TRDN: variants seen among roughly 807,000 people sequenced by gnomAD.
The protein encoded by TRDN is triadin.
In TRDN, 161 loss-of-function variants were observed where a neutral mutation model predicts 149.7. That is an observed-to-expected ratio of 1.08 (90% CI 0.95 to 1.23). TRDN has a LOEUF of 1.23. Ranked by LOEUF, TRDN falls within the 50% of genes most tolerant of loss-of-function variation. TRDN has a pLI of 0.00. For synonymous variants in TRDN, 294 were observed against 250.5 expected, an observed-to-expected ratio of 1.17 and a Z score of -1.64; for missense variants, 896 against 823.5, an observed-to-expected ratio of 1.09 and a Z score of -1.08.
intron 9 of TRDN, among the ~76,000 whole-genome samples, chr6:123,466,801 T>C (rs982398022): frequency 1.3e-5 from 2 of 152,056 alleles, no homozygotes; most frequent in Admixed American, 1.3e-4. Context: ...ATACATCAAT[T>C]GTTTCTAAAT....
intron 22 of TRDN, among the ~76,000 whole-genome samples, chr6:123,336,976 G>A (rs1214470226): frequency 6.6e-6 from 1 of 151,880 alleles, no homozygotes; most frequent in Non-Finnish European, 1.5e-5. Flanking sequence ...GCTGTATGTG[G>A]ACATTATTCT....
intron 12 of TRDN, among the ~76,000 whole-genome samples, chr6:123,425,805 C>A (rs1167885341): frequency 6.6e-6 from 1 of 151,970 alleles, no homozygotes; most frequent in African/African-American, 2.4e-5. Context: ...TAAAGGGGAT[C>A]TGAGAAATCA....
At chr6:123,498,808 G>C (rs922583403) in intron 8 of TRDN, among the ~76,000 whole-genome samples, 1 of 152,204 alleles carries the variant, frequency 6.6e-6, no homozygotes, top group Non-Finnish European at 1.5e-5. Context: ...AGTCAGACCA[G>C]TGTGGACTTT....
chr6:123,622,010 C>T (rs1203734872), intron 1 of TRDN, among the ~76,000 whole-genome samples: 1 of 152,046 alleles, frequency 6.6e-6, no homozygotes, highest in Non-Finnish European at 1.5e-5. Context: ...CTGTGTAGTT[C>T]CACTTACGTG....
chr6:123,336,019 T>C (rs1779852137), intron 22 of TRDN, among the ~76,000 whole-genome samples: 1 of 151,852 alleles, frequency 6.6e-6, no homozygotes, highest in Admixed American at 6.6e-5. Flanking sequence ...TAAAGAAAAA[T>C]AGATTAAGCC....
At chr6:123,298,071 A>G (rs1778267789) in intron 24 of TRDN, among the ~76,000 whole-genome samples, 1 of 152,078 alleles carries the variant, frequency 6.6e-6, no homozygotes, top group South Asian at 2.1e-4. Context: ...TGAAATTAAA[A>G]AACAAAAAAA....
rs533291290 is a variant in TRDN, at chr6:123,234,012, G to A, written c.1976-9881C>T. 2.6e-5 allele frequency among the ~76,000 whole-genome samples: 4 copies of A among 151,998 alleles called. 1 individual carries two copies. The South Asian group carries it at 6.2e-4, about 24-fold the overall frequency. ...ATCTTAATCTACCCAAAATTTCTAT[G>A]AGATGAATATTATTATTCAAAATTT... On this transcript the variant is annotated intron_variant, in intron 38 of 40. Coordinates refer to ENST00000334268, the MANE Select transcript of TRDN (RefSeq NM_006073.4).
At chr6:123,325,887 G>C (rs1265577281) in intron 23 of TRDN, among the ~76,000 whole-genome samples, 1 of 152,028 alleles carries the variant, frequency 6.6e-6, no homozygotes, top group African/African-American at 2.4e-5. Context: ...ATAAATCATT[G>C]AGCTTTCCCC....
chr6:123,510,204 C>T (rs1008451266), intron 7 of TRDN: 2 of 152,050 alleles, frequency 1.3e-5, no homozygotes, highest in Admixed American at 6.6e-5. Context: ...TTTCAGTTTA[C>T]AATTCATCCA....
intron 8 of TRDN, among the ~76,000 whole-genome samples, chr6:123,499,719 A>AAATATATATATAT: frequency 1.3e-4 from 6 of 47,678 alleles, no homozygotes; most frequent in Non-Finnish European, 2.7e-4. Flanking sequence ...AAAAAAAAAA[A>AAATATATATATAT]ATATATATAT....
chr6:123,548,731 T>A, intron 2 of TRDN, 119 bp from the exon 3 acceptor site: 1 of 881,068 alleles, frequency 1.1e-6, no homozygotes, highest in Non-Finnish European at 1.5e-6. Context: ...ATTTCAACAT[T>A]CTAAATATCT....
chr6:123,333,561 G>T lies in TRDN; in HGVS notation c.1421-1632C>A, dbSNP rs1195944595. Among the ~76,000 whole-genome samples, 3 of 152,184 alleles carry T rather than the reference G, an allele frequency of 2.0e-5. No individual in the cohort carries two copies. The East Asian group carries it at 5.8e-4, about 29-fold the overall frequency. ...CATCACTTGCACTGACTTTCCTACA[G>T]ATCATTGATTCTCAGCATCCACTTT... On this transcript the variant is annotated intron_variant, in intron 22 of 40. Coordinates refer to ENST00000334268, the MANE Select transcript of TRDN (RefSeq NM_006073.4).
chr6:123,458,562 G>T (rs1273949811), intron 10 of TRDN, among the ~76,000 whole-genome samples: 1 of 152,094 alleles, frequency 6.6e-6, no homozygotes, highest in Non-Finnish European at 1.5e-5. Flanking sequence ...GCAGATTTTG[G>T]ACTTACTAGC....
At chr6:123,559,009 G>T (rs185634555) in intron 2 of TRDN, among the ~76,000 whole-genome samples, 19 of 152,070 alleles carry the variant, frequency 1.2e-4, no homozygotes, top group African/African-American at 3.6e-4. Flanking sequence ...ACTGGAAATC[G>T]GACTCACCCG....
At chr6:123,630,728 G>A (rs370818151) in intron 1 of TRDN, among the ~76,000 whole-genome samples, 2 of 151,764 alleles carry the variant, frequency 1.3e-5, no homozygotes, top group South Asian at 2.1e-4. Flanking sequence ...GCTTCTTAAC[G>A]GAACCTAACA....
At chr6:123,385,208 A>G (rs1386058877) in intron 14 of TRDN, among the ~76,000 whole-genome samples, 2 of 152,056 alleles carry the variant, frequency 1.3e-5, no homozygotes, top group Non-Finnish European at 2.9e-5. Context: ...AGTGCGGATC[A>G]CTAGGTCAGG....
In TRDN at chr6:123,219,428, T is replaced by C. The variant is rs1456014501; in HGVS notation, c.2051-688A>G. On this transcript the variant is annotated intron_variant, in intron 40 of 40. Transcript: ENST00000334268. ...CTCACAATCTTGGGTGCCTACAAACTTCCAGTGTTTTCTATCCTATCCATT... is the reference window on the plus strand; with the variant it reads ...CTCACAATCTTGGGTGCCTACAAACCTCCAGTGTTTTCTATCCTATCCATT... 1.3e-5 allele frequency among the ~76,000 whole-genome samples: 2 copies of C among 151,792 alleles called. 1 individual carries two copies. Among genetic ancestry groups the C allele is most frequent in the African/African-American group, 4.8e-5 (2 of 41,400 alleles).
intron 14 of TRDN, among the ~76,000 whole-genome samples, chr6:123,387,930 A>G (rs539971969): frequency 4.6e-5 from 7 of 152,144 alleles, no homozygotes; most frequent in South Asian, 2.1e-4. Flanking sequence ...GGAGTGTTTT[A>G]TATGTTTTTT....
At position 123,539,946 on chromosome 6, in the gene TRDN, G is replaced by C. The variant is rs557662819; in HGVS notation, c.424+7394C>G. On this transcript the variant is annotated intron_variant, in intron 4 of 40. Transcript: ENST00000334268. The stretch of plus-strand genomic sequence containing the variant: ...TTACAAATTCAACTATTTAAGGCTT[G>C]ACCCCTACAGATTGTTATTTAGCAA... Among the ~76,000 whole-genome samples, 6 of 152,278 alleles carry C rather than the reference G, an allele frequency of 3.9e-5. No homozygotes were observed. The South Asian group carries it at 1.2e-3, about 32-fold the overall frequency.
Sources: allele counts gnomAD v4.1 joint callset (sites outside exome capture counted in the v4.1 genomes callset), GRCh38; gene constraint gnomAD v4.1.1; transcripts MANE v1.5; gene names NCBI Gene and HGNC (gene_info 2026-07-23, HGNC 2026-07-21).